Variants in GPC6 observed in about 807,000 individuals in gnomAD.
GPC6 encodes glypican 6.
Under a neutral mutation model 55.2 loss-of-function variants are expected in GPC6, and 14 were observed. The observed-to-expected ratio is 0.25, with a 90% CI of 0.17 to 0.40. The LOEUF is 0.40. Among genes scored for constraint, GPC6 ranks in the 10% least tolerant of loss-of-function variants. The pLI is 1.00. For missense variants in GPC6, 641 were observed against 708.5 expected, an observed-to-expected ratio of 0.90 and a Z score of 1.08; for synonymous variants, 278 against 259.6, an observed-to-expected ratio of 1.07 and a Z score of -0.68.
intron 4 of GPC6, among the ~76,000 whole-genome samples, chr13:94,148,371 T>C (rs754874091): frequency 1.3e-5 from 2 of 152,180 alleles, no homozygotes; most frequent in Non-Finnish European, 2.9e-5. Context: ...TATTAAATGA[T>C]TTTTACCAGG....
chr13:94,251,799 C>T (rs1230243903), intron 4 of GPC6, among the ~76,000 whole-genome samples: 1 of 148,358 alleles, frequency 6.7e-6, no homozygotes, highest in African/African-American at 2.5e-5. Flanking sequence ...CTTTTTTTTT[C>T]ACCACCAATT....
chr13:94,198,745 C>A (rs989400370), intron 4 of GPC6, among the ~76,000 whole-genome samples: 1 of 152,164 alleles, frequency 6.6e-6, no homozygotes, highest in Non-Finnish European at 1.5e-5. Context: ...CATCCTAACA[C>A]ACATCTCATA....
chr13:93,729,098 T>C (rs1371536252), intron 2 of GPC6, among the ~76,000 whole-genome samples: 2 of 152,178 alleles, frequency 1.3e-5, no homozygotes, highest in African/African-American at 4.8e-5. Context: ...GAGGATGATA[T>C]GGAACTGCTT....
intron 1 of GPC6, among the ~76,000 whole-genome samples, chr13:93,488,119 C>A (rs918216269): frequency 6.6e-6 from 1 of 152,154 alleles, no homozygotes; most frequent in Non-Finnish European, 1.5e-5. Context: ...TCCCTCCCCC[C>A]TCCTTTCACC....
Position 93,298,934 on chromosome 13 carries a change from C to T in GPC6, c.160+71318C>T, listed in dbSNP as rs61413342. Among the ~76,000 whole-genome samples, 2,799 of 150,232 alleles carry T rather than the reference C, an allele frequency of 0.019. 152 individuals are homozygous for T. The East Asian group carries it at 0.22, about 12-fold the overall frequency. On this transcript the variant is annotated intron_variant, in intron 1 of 8. Coordinates refer to ENST00000377047, the MANE Select transcript of GPC6 (RefSeq NM_005708.5). ...TTTTTTGGAATTAGTCACATGGTGTCTCATGTAATAGTTATTTTTGCACTT... is the reference window on the plus strand; with the variant it reads ...TTTTTTGGAATTAGTCACATGGTGTTTCATGTAATAGTTATTTTTGCACTT...
intron 6 of GPC6, among the ~76,000 whole-genome samples, chr13:94,349,909 C>T (rs903876550): frequency 4.6e-5 from 7 of 152,116 alleles, no homozygotes; most frequent in South Asian, 2.1e-4. Context: ...CAGTCGGTGA[C>T]GAACAAAATT....
chr13:93,362,974 A>G (rs1881094868), intron 1 of GPC6, among the ~76,000 whole-genome samples: 2 of 152,160 alleles, frequency 1.3e-5, no homozygotes, highest in African/African-American at 4.8e-5. Context: ...GACAGGTCAG[A>G]ACAGTCTGAA....
chr13:93,281,618 A>G (rs1877952704), intron 1 of GPC6, among the ~76,000 whole-genome samples: 1 of 152,182 alleles, frequency 6.6e-6, no homozygotes, highest in Admixed American at 6.5e-5. Flanking sequence ...GTTCAAAACC[A>G]GCCTGACCAA....
chr13:94,142,943 C>T (rs185479860), intron 4 of GPC6, among the ~76,000 whole-genome samples: 4 of 151,856 alleles, frequency 2.6e-5, no homozygotes, highest in Admixed American at 1.3e-4. Flanking sequence ...ATTCTCCCAC[C>T]TTAGCCTCCC....
At chr13:93,597,841 T>C (rs537322977) in intron 2 of GPC6, among the ~76,000 whole-genome samples, 1 of 152,186 alleles carries the variant, frequency 6.6e-6, no homozygotes, top group Non-Finnish European at 1.5e-5. Context: ...GTTATGCTTC[T>C]GGGGAGTCAA....
At position 93,560,723 on chromosome 13, in the gene GPC6, G is replaced by A. The variant is rs181939989; in HGVS notation, c.319+15302G>A. On this transcript the variant is annotated intron_variant, in intron 2 of 8. Coordinates refer to ENST00000377047, the MANE Select transcript of GPC6 (RefSeq NM_005708.5). The stretch of plus-strand genomic sequence containing the variant: ...ACAAAAAATTATGAGCCGAGATCAT[G>A]ACACTGCACTCCAGCCTGGGCGACA... Among the ~76,000 whole-genome samples the A allele has an allele frequency of 6.3e-3, 927 of 147,152 alleles. 3 individuals are homozygous for A. The highest frequency in any genetic ancestry group is 9.9e-3 in the Non-Finnish European group (667 of 67,318).
intron 2 of GPC6, among the ~76,000 whole-genome samples, chr13:93,642,268 G>C (rs556835826): frequency 6.6e-6 from 1 of 152,032 alleles, no homozygotes; most frequent in African/African-American, 2.4e-5. Context: ...TTCTGCACTA[G>C]TTCACTTAAG....
chr13:93,845,727 G>A (rs1484674534), intron 3 of GPC6, among the ~76,000 whole-genome samples: 25 of 148,416 alleles, frequency 1.7e-4, no homozygotes, highest in East Asian at 4.1e-4. Flanking sequence ...GTAAACTATC[G>A]CAAGAACAAA....
At chr13:93,437,025 A>T (rs571012536) in intron 1 of GPC6, among the ~76,000 whole-genome samples, 1 of 151,994 alleles carries the variant, frequency 6.6e-6, no homozygotes, top group African/African-American at 2.4e-5. Flanking sequence ...CCAATATTTT[A>T]AGTTCGTTAT....
intron 6 of GPC6, among the ~76,000 whole-genome samples, chr13:94,372,892 G>A (rs1291481573): frequency 2.6e-5 from 4 of 152,064 alleles, no homozygotes; most frequent in Non-Finnish European, 5.9e-5. Flanking sequence ...GCCTCCTCAA[G>A]TGGGTCCCTG....
chr13:93,496,756 C>T (rs1001551870), intron 1 of GPC6, among the ~76,000 whole-genome samples: 8 of 152,134 alleles, frequency 5.3e-5, no homozygotes, highest in Non-Finnish European at 1.2e-4. Context: ...TCTGTAAAAA[C>T]TGTGGTAATT....
chr13:93,530,222 A>T, intron 1 of GPC6, among the ~76,000 whole-genome samples: 1 of 152,178 alleles, frequency 6.6e-6, no homozygotes, highest in African/African-American at 2.4e-5. Context: ...TGAAAATTGC[A>T]AAACCTGGAT....
intron 1 of GPC6, among the ~76,000 whole-genome samples, chr13:93,381,381 C>T (rs1471331119): frequency 6.6e-6 from 1 of 151,966 alleles, no homozygotes; most frequent in Non-Finnish European, 1.5e-5. Context: ...GGACATTCTA[C>T]ACTTTCAAAA....
intron 1 of GPC6, among the ~76,000 whole-genome samples, chr13:93,358,811 C>T (rs1880942824): frequency 6.6e-6 from 1 of 152,040 alleles, no homozygotes; most frequent in African/African-American, 2.4e-5. Flanking sequence ...GTGAAAATGA[C>T]TTCAGAGCAG....
Sources: gnomAD v4.1 joint callset for allele counts (sites outside exome capture counted in the v4.1 genomes callset) on GRCh38, gnomAD v4.1.1 for gene constraint, MANE v1.5 for transcripts, NCBI Gene and HGNC (gene_info 2026-07-23, HGNC 2026-07-21) for gene names.